Variants in ULK4 observed in about 807,000 individuals in gnomAD.
ULK4 encodes inactive serine/threonine-protein kinase ULK4.
Under a neutral mutation model 160.6 loss-of-function variants are expected in ULK4, and 133 were observed. That is an observed-to-expected ratio of 0.83 (90% CI 0.72 to 0.96). ULK4 has a LOEUF of 0.96. Among genes scored for constraint, ULK4 ranks in the 40% least tolerant of loss-of-function variants. ULK4 has a pLI of 0.00. For missense variants in ULK4, 1,580 were observed against 1,499.5 expected (o/e 1.05, Z -0.89); for synonymous variants, 534 against 539.8 (o/e 0.99, Z 0.15).
chr3:41,451,602 G>A (rs552188053), intron 34 of ULK4, among the ~76,000 whole-genome samples: 12 of 152,074 alleles, frequency 7.9e-5, no homozygotes, highest in Admixed American at 5.9e-4. Context: ...ATTCAGTCTT[G>A]GATTTCTGAC....
intron 17 of ULK4, among the ~76,000 whole-genome samples, chr3:41,870,740 T>C (rs926792543): frequency 4.6e-5 from 7 of 152,126 alleles, no homozygotes; most frequent in Admixed American, 2.6e-4. Context: ...ACAGAACCAA[T>C]CAATCATGAG....
intron 32 of ULK4, among the ~76,000 whole-genome samples, chr3:41,503,230 G>C (rs757332793): frequency 6.6e-5 from 10 of 152,198 alleles, no homozygotes; most frequent in Non-Finnish European, 1.3e-4. Flanking sequence ...TCTTCTAGAA[G>C]AAAGTAAGGC....
chr3:41,383,091 TTTTTTTTTTCTTG>T (rs58145032), intron 35 of ULK4, among the ~76,000 whole-genome samples: 26,465 of 143,578 alleles, frequency 0.18, 2,445 homozygotes, highest in Admixed American at 0.22. Flanking sequence ...TTCTTTTTCT[TTTTTTTTTTCTTG>T]TTTTTTTTTC....
At chr3:41,438,978 TAAA>T (rs10591684) in intron 34 of ULK4, among the ~76,000 whole-genome samples, 1,588 of 134,566 alleles carry the variant, frequency 0.012, 23 homozygotes, top group African/African-American at 0.039. Context: ...CAGGAAAATT[TAAA>T]AAAAAAAAAA....
chr3:41,296,855 G>A lies in ULK4; in HGVS notation c.3679-47281C>T, dbSNP rs73083826. Among the ~76,000 whole-genome samples, 354 of 151,980 alleles carry A rather than the reference G, an allele frequency of 2.3e-3. 3 individuals are homozygous for A. Among genetic ancestry groups the A allele is most frequent in the Non-Finnish European group, 3.5e-3 (237 of 67,954 alleles). On this transcript the variant is annotated intron_variant, in intron 35 of 36. Coordinates refer to ENST00000301831, the MANE Select transcript of ULK4 (RefSeq NM_017886.4). ...AGGGAGGTTGAGAGGGAGGGAAGAA[G>A]AAACAAGTGAACCTGGAGAGGAAGG...
rs2081674316 is a variant in ULK4 at position 41,382,289 on chromosome 3, T to G, written c.3678+15790A>C. 2.0e-5 allele frequency among the ~76,000 whole-genome samples: 3 copies of G among 152,224 alleles called. No homozygotes were observed. The South Asian group carries it at 6.2e-4, about 32-fold the overall frequency. On this transcript the variant is annotated intron_variant, in intron 35 of 36. Transcript: ENST00000301831. ...TGTATCCCCAACATTGAGAACCATGTGTGCCACAGAGCAGGCACTCAATAT... is the reference window on the plus strand; with the variant it reads ...TGTATCCCCAACATTGAGAACCATGGGTGCCACAGAGCAGGCACTCAATAT...
intron 17 of ULK4, 65 bp downstream of exon 17, chr3:41,883,809 T>C (rs1716685): frequency 0.8 from 1,149,011 of 1,431,372 alleles, 469,872 homozygotes; most frequent in East Asian, 0.85. Context: ...CTGCAGGTTC[T>C]AAATTACAGA....
At chr3:41,536,939 C>T (rs943826201) in intron 32 of ULK4, among the ~76,000 whole-genome samples, 2 of 152,108 alleles carry the variant, frequency 1.3e-5, no homozygotes, top group Admixed American at 6.5e-5. Flanking sequence ...AGTTTCAGTG[C>T]CCATATAAAA....
rs576030977 is a variant in ULK4, at chr3:41,773,999, T to C, written c.2193+15662A>G. 1.2e-4 allele frequency among the ~76,000 whole-genome samples: 18 copies of C among 152,282 alleles called. 1 individual carries two copies. The South Asian group carries it at 3.5e-3, about 30-fold the overall frequency. On this transcript the variant is annotated intron_variant, in intron 21 of 36. Transcript: ENST00000301831. Reference sequence around the variant, plus strand: ...GGATTCCCTATTTAATAAATGGTGCTGGGAAAACTGGCTAGCCATATGTAG... The same window carrying C: ...GGATTCCCTATTTAATAAATGGTGCCGGGAAAACTGGCTAGCCATATGTAG...
intron 35 of ULK4, among the ~76,000 whole-genome samples, chr3:41,347,909 T>C (rs1470128814): frequency 6.6e-6 from 1 of 152,006 alleles, no homozygotes; most frequent in Non-Finnish European, 1.5e-5. Context: ...TTTAATAAGC[T>C]TAAAAAGTAC....
chr3:41,786,076 C>T (rs1423336070), intron 21 of ULK4, among the ~76,000 whole-genome samples: 2 of 152,176 alleles, frequency 1.3e-5, no homozygotes, highest in Non-Finnish European at 2.9e-5. Flanking sequence ...TAATGTGTGG[C>T]TCCACTCCAC....
At chr3:41,376,403 G>C (rs1370809270) in intron 35 of ULK4, among the ~76,000 whole-genome samples, 1 of 150,248 alleles carries the variant, frequency 6.7e-6, no homozygotes, top group African/African-American at 2.5e-5. Context: ...ACTGGATAAA[G>C]AAAATGTGGC....
chr3:41,367,783 G>A (rs774662394), intron 35 of ULK4, among the ~76,000 whole-genome samples: 1 of 152,000 alleles, frequency 6.6e-6, no homozygotes, highest in Non-Finnish European at 1.5e-5. Flanking sequence ...TTTTGTGGGA[G>A]CCAGCAAAAT....
chr3:41,443,193 T>C (rs1484422230), intron 34 of ULK4, among the ~76,000 whole-genome samples: 1 of 152,218 alleles, frequency 6.6e-6, no homozygotes, highest in East Asian at 1.9e-4. Flanking sequence ...TACCCAGAGC[T>C]TCTCAAATGG....
chr3:41,307,840 A>G (rs1004388508), intron 35 of ULK4, among the ~76,000 whole-genome samples: 1 of 128,420 alleles, frequency 7.8e-6, no homozygotes, highest in Non-Finnish European at 1.6e-5. Flanking sequence ...ATACATACAT[A>G]CATACACATA....
intron 27 of ULK4, among the ~76,000 whole-genome samples, chr3:41,682,804 T>C (rs76018963): frequency 2.0e-5 from 3 of 152,322 alleles, no homozygotes; most frequent in South Asian, 2.1e-4. Context: ...CTTCCAGTTA[T>C]GTCTAAAGAA....
chr3:41,857,912 G>A, intron 17 of ULK4, among the ~76,000 whole-genome samples: 1 of 151,866 alleles, frequency 6.6e-6, no homozygotes, highest in East Asian at 1.9e-4. Context: ...ACTACTTTTT[G>A]TTTCATTGAT....
At chr3:41,431,744 A>G (rs2082914664) in intron 34 of ULK4, among the ~76,000 whole-genome samples, 1 of 147,438 alleles carries the variant, frequency 6.8e-6, no homozygotes, top group Non-Finnish European at 1.5e-5. Context: ...ACGTCAATTC[A>G]TTTTCAGTTT....
intron 17 of ULK4, among the ~76,000 whole-genome samples, chr3:41,852,314 T>A (rs2042236924): frequency 1.3e-5 from 2 of 152,156 alleles, no homozygotes; most frequent in Non-Finnish European, 2.9e-5. Flanking sequence ...TTAAAAAAAA[T>A]TTGTTTTCAT....
Sources: allele counts gnomAD v4.1 joint callset (sites outside exome capture counted in the v4.1 genomes callset), GRCh38; gene constraint gnomAD v4.1.1; transcripts MANE v1.5; gene names NCBI Gene and HGNC (gene_info 2026-07-23, HGNC 2026-07-21).